Variants in CNTNAP2 observed in about 807,000 individuals in gnomAD.
CNTNAP2 encodes contactin-associated protein-like 2.
In CNTNAP2, 98 loss-of-function variants were observed where a neutral mutation model predicts 155.2. The observed-to-expected ratio is 0.63, with a 90% CI of 0.54 to 0.75. The LOEUF is 0.75. Ranked by LOEUF, CNTNAP2 falls within the 30% of genes least tolerant of loss-of-function variation. The probability of loss-of-function intolerance (pLI) is 0.00; values close to 1 mark genes in which losing one functional copy is unlikely to be tolerated. For synonymous variants in CNTNAP2, 651 were observed against 631.2 expected (o/e 1.03, Z -0.47); for missense variants, 1,727 against 1,688.1 (o/e 1.02, Z -0.40).
intron 1 of CNTNAP2, among the ~76,000 whole-genome samples, chr7:146,314,468 C>T (rs1049685565): frequency 2.0e-5 from 3 of 152,150 alleles, no homozygotes; most frequent in Non-Finnish European, 2.9e-5. Flanking sequence ...GTTTCTTTCT[C>T]ATCCATTCTG....
intron 11 of CNTNAP2, among the ~76,000 whole-genome samples, chr7:147,548,657 C>A (rs1289818565): frequency 3.3e-5 from 5 of 152,046 alleles, no homozygotes; most frequent in Non-Finnish European, 7.4e-5. Context: ...TTGCTTTTGA[C>A]ATTTTTGTCA....
chr7:148,126,021 T>G (rs762455422), intron 16 of CNTNAP2, among the ~76,000 whole-genome samples: 1 of 152,086 alleles, frequency 6.6e-6, no homozygotes, highest in Non-Finnish European at 1.5e-5. Flanking sequence ...AAATAATATT[T>G]TGGATAGGAT....
chr7:147,473,851 G>A (rs7793612), intron 10 of CNTNAP2, among the ~76,000 whole-genome samples: 118,228 of 151,760 alleles, frequency 0.78, 46,406 homozygotes, highest in African/African-American at 0.87. Flanking sequence ...AGGCCAAGGC[G>A]GGCAGATCAC....
chr7:148,064,677 TAAAAA>T (rs35247645), intron 15 of CNTNAP2, among the ~76,000 whole-genome samples: 1 of 126,138 alleles, frequency 7.9e-6, no homozygotes, highest in Admixed American at 7.9e-5. Flanking sequence ...TAATAGCTGT[TAAAAA>T]AAAAAAAAAA....
At chr7:146,142,085 A>G (rs114074899) in intron 1 of CNTNAP2, among the ~76,000 whole-genome samples, 1 of 152,160 alleles carries the variant, frequency 6.6e-6, no homozygotes, top group Non-Finnish European at 1.5e-5. Context: ...CCATATTGCA[A>G]TTAACTTTCA....
At chr7:146,759,902 A>G (rs762413348) in intron 1 of CNTNAP2, among the ~76,000 whole-genome samples, 31 of 152,146 alleles carry the variant, frequency 2.0e-4, no homozygotes, top group Non-Finnish European at 4.4e-4. Context: ...TCACAGTAAG[A>G]GAAAGGACGT....
intron 1 of CNTNAP2, among the ~76,000 whole-genome samples, chr7:146,208,978 A>G (rs1798993378): frequency 6.6e-6 from 1 of 152,086 alleles, no homozygotes; most frequent in Non-Finnish European, 1.5e-5. Flanking sequence ...AAAGTAACCT[A>G]TATAATGTAG....
At chr7:147,055,714 C>G (rs1258692373) in intron 4 of CNTNAP2, among the ~76,000 whole-genome samples, 1 of 152,088 alleles carries the variant, frequency 6.6e-6, no homozygotes, top group Admixed American at 6.5e-5. Context: ...GAGTGGTCTT[C>G]CCCCTGGTTC....
At chr7:148,392,945 G>GGACAC (rs1799385794) in intron 22 of CNTNAP2, among the ~76,000 whole-genome samples, 2 of 151,994 alleles carry the variant, frequency 1.3e-5, no homozygotes, top group African/African-American at 4.8e-5. Flanking sequence ...TCACCACATC[G>GGACAC]GACACTTTAC....
At position 147,994,271 on chromosome 7, in the gene CNTNAP2, T is replaced by C. The variant is rs1311803502; in HGVS notation, c.2383+16282T>C. On this transcript the variant is annotated intron_variant, in intron 15 of 23. Transcript: ENST00000361727. ...CCCGTGGCCCAACTACTTGGGAGGC[T>C]GAGGCAGGAGGATCACTGGAGCCCA... Among the ~76,000 whole-genome samples the C allele has an allele frequency of 2.0e-5, 3 of 151,774 alleles. No individual in the cohort carries two copies. The East Asian group carries it at 5.8e-4, about 30-fold the overall frequency.
chr7:147,713,845 C>G (rs1796440283), intron 13 of CNTNAP2, among the ~76,000 whole-genome samples: 1 of 152,022 alleles, frequency 6.6e-6, no homozygotes, highest in Admixed American at 6.6e-5. Flanking sequence ...TTAGCATTTC[C>G]CTAATGACTA....
rs183556336 is a variant in CNTNAP2 at position 147,596,581 on chromosome 7, C to T, written c.1897+34324C>T. Among the ~76,000 whole-genome samples the T allele has an allele frequency of 1.4e-3, 209 of 152,316 alleles. 1 individual carries two copies. The highest frequency in any genetic ancestry group is 3.1e-3 in the Admixed American group (47 of 15,306). On this transcript the variant is annotated intron_variant, in intron 12 of 23. Coordinates refer to ENST00000361727, the MANE Select transcript of CNTNAP2 (RefSeq NM_014141.6). The stretch of plus-strand genomic sequence containing the variant: ...GTGCAGAATGGCTTCTTGCTAACCT[C>T]AGCCTGAGCCCCATCTCATTCATTC...
intron 8 of CNTNAP2, among the ~76,000 whole-genome samples, chr7:147,171,427 A>G (rs1802224600): frequency 6.6e-6 from 1 of 152,206 alleles, no homozygotes; most frequent in Non-Finnish European, 1.5e-5. Flanking sequence ...CATGAGGAGA[A>G]CAAATGCCTG....
At chr7:146,327,187 A>G (rs1801111816) in intron 1 of CNTNAP2, among the ~76,000 whole-genome samples, 1 of 152,200 alleles carries the variant, frequency 6.6e-6, no homozygotes, top group Non-Finnish European at 1.5e-5. Flanking sequence ...TTTAATATTT[A>G]TAGGACTCCA....
At chr7:147,972,422 C>T (rs1200025712) in intron 14 of CNTNAP2, among the ~76,000 whole-genome samples, 1 of 152,038 alleles carries the variant, frequency 6.6e-6, no homozygotes, top group Non-Finnish European at 1.5e-5. Context: ...TTCTTTAGGG[C>T]TTCATTTTTC....
chr7:146,894,867 T>A (rs772953850), intron 3 of CNTNAP2, among the ~76,000 whole-genome samples: 1 of 152,162 alleles, frequency 6.6e-6, no homozygotes, highest in Non-Finnish European at 1.5e-5. Flanking sequence ...TATTTAATAA[T>A]TGAGTGGTTG....
chr7:146,689,223 T>C (rs1800656276), intron 1 of CNTNAP2, among the ~76,000 whole-genome samples: 1 of 152,210 alleles, frequency 6.6e-6, no homozygotes, highest in East Asian at 1.9e-4. Context: ...TAATCCTTAG[T>C]TTCTTCTCTA....
chr7:147,553,037 A>G (rs924616899), intron 11 of CNTNAP2, among the ~76,000 whole-genome samples: 1 of 152,198 alleles, frequency 6.6e-6, no homozygotes, highest in Non-Finnish European at 1.5e-5. Context: ...CAACAATGAC[A>G]ATGTCTACTA....
At chr7:146,320,509 C>T (rs1800982550) in intron 1 of CNTNAP2, among the ~76,000 whole-genome samples, 1 of 152,102 alleles carries the variant, frequency 6.6e-6, no homozygotes, top group African/African-American at 2.4e-5. Context: ...CATTTATTTT[C>T]ATGTTACGGT....
Sources: allele counts gnomAD v4.1 joint callset (sites outside exome capture counted in the v4.1 genomes callset), GRCh38; gene constraint gnomAD v4.1.1; transcripts MANE v1.5; gene names NCBI Gene and HGNC (gene_info 2026-07-23, HGNC 2026-07-21).